Variants in LRIG3 observed in about 807,000 individuals in gnomAD.
LRIG3 encodes the protein leucine-rich repeats and immunoglobulin-like domains protein 3.
Under a neutral mutation model 114.5 loss-of-function variants are expected in LRIG3, and 76 were observed. That is an observed-to-expected ratio of 0.66 (90% CI 0.55 to 0.80). LRIG3 has a LOEUF of 0.80. Among genes scored for constraint, LRIG3 ranks in the 30% least tolerant of loss-of-function variants. LRIG3 has a pLI of 0.00. For missense variants in LRIG3, 1,239 were observed against 1,382.8 expected, an observed-to-expected ratio of 0.90 and a Z score of 1.65; for synonymous variants, 512 against 519.8, an observed-to-expected ratio of 0.98 and a Z score of 0.20.
In LRIG3 at chr12:58,878,883, C is replaced by A. The variant is rs762780686; in HGVS notation, c.2024G>T (p.Ser675Ile). 81 of 1,614,112 alleles carry A rather than the reference C, an allele frequency of 5.0e-5. No individual in the cohort carries two copies. The highest frequency in any genetic ancestry group is 6.6e-5 in the Non-Finnish European group (78 of 1,180,054). ...TCCTGCACTGTTCTGAGCTGTGCAGCTGTATACCCCAATGTCCTCTATCTT... is the reference window on the plus strand; with the variant it reads ...TCCTGCACTGTTCTGAGCTGTGCAGATGTATACCCCAATGTCCTCTATCTT... ...DVKIEDIGVY[S>I]CTAQNSAGSI... The change falls in exon 14 of 19, where the codon AGC (serine) becomes ATC (isoleucine). Residue 675 changes from serine (S) to isoleucine (I), a missense_variant. Ser to Ile is a moderately radical substitution (Grantham distance 142). Coordinates refer to ENST00000320743, the MANE Select transcript of LRIG3 (RefSeq NM_153377.5).
intron 3 of LRIG3, among the ~76,000 whole-genome samples, chr12:58,901,629 C>T (rs1050315671): frequency 2.0e-5 from 3 of 152,128 alleles, no homozygotes; most frequent in African/African-American, 7.2e-5. Flanking sequence ...TGTCTATACC[C>T]CATGTCATAC....
In LRIG3 at chr12:58,872,403, AG is replaced by A; in HGVS notation, c.*168del. ...GTATTCTTATATGAGCATCATTCCCAGTATAAAAATTTTCATAACTTTTTGT... is the reference window on the plus strand; with the variant it reads ...GTATTCTTATATGAGCATCATTCCCATATAAAAATTTTCATAACTTTTTGT... On this transcript the variant is annotated 3_prime_UTR_variant, in exon 19 of 19. Coordinates refer to ENST00000320743, the MANE Select transcript of LRIG3 (RefSeq NM_153377.5). 1.7e-6 allele frequency: 1 copy of A among 572,214 alleles called. No homozygotes were observed. The highest frequency in any genetic ancestry group is 2.7e-6 in the Non-Finnish European group (1 of 371,782). 35.4% of individuals were successfully genotyped at this position (572,214 alleles called of 1,614,324 possible). A position where few individuals can be genotyped will look rare whatever the true frequency, so the allele number is the denominator to read the frequency against.
chr12:58,885,796 TTC>T lies in LRIG3; in HGVS notation c.1244+33_1244+34del, dbSNP rs1419477159. On this transcript the variant is annotated intron_variant, in intron 10 of 18. Coordinates refer to ENST00000320743, the MANE Select transcript of LRIG3 (RefSeq NM_153377.5). ...ACATAAGTAAAAACCATCTTAGAGA[TTC>T]TCTTTTAGGGTAACTAAATTCTAGC... is the stretch of plus-strand genomic sequence containing the variant. The T allele has an allele frequency of 4.9e-6, 7 of 1,420,538 alleles. No homozygotes were observed. In the South Asian group the frequency reaches 8.2e-5, roughly 17 times the overall value. The allele number at this position is 1,420,538 out of a possible 1,614,324, so 88.0% of individuals were successfully genotyped here. A position where few individuals can be genotyped will look rare whatever the true frequency, so the allele number is the denominator to read the frequency against.
chr12:58,909,600 C>T (rs2060429070), intron 3 of LRIG3, among the ~76,000 whole-genome samples: 1 of 152,198 alleles, frequency 6.6e-6, no homozygotes, highest in Admixed American at 6.5e-5. Flanking sequence ...TCACAGCTCA[C>T]ATTCACTGAG....
intron 7 of LRIG3, 54 bp from the exon 8 acceptor site, chr12:58,887,986 G>A: frequency 6.5e-7 from 1 of 1,543,930 alleles, no homozygotes; most frequent in Non-Finnish European, 8.9e-7. Flanking sequence ...TCAACACAAT[G>A]ATTTGTTTTC....
intron 12 of LRIG3, among the ~76,000 whole-genome samples, chr12:58,882,170 C>T (rs74099549): frequency 0.035 from 5,297 of 152,230 alleles, 172 homozygotes; most frequent in East Asian, 0.091. Context: ...TAAATAAAAG[C>T]AAATTCTGAT....
At position 58,898,728 on chromosome 12, in the gene LRIG3, G is replaced by A. The variant is rs528298038; in HGVS notation, c.384-7932C>T. ...CGGTGGAGTGCAGTGGCACGATCTC[G>A]GCTCACTGCAACCTCCGACTCCCTG... On this transcript the variant is annotated intron_variant, in intron 3 of 18. Coordinates refer to ENST00000320743, the MANE Select transcript of LRIG3 (RefSeq NM_153377.5). 5.9e-5 allele frequency among the ~76,000 whole-genome samples: 9 copies of A among 152,054 alleles called. No homozygotes were observed. The East Asian group carries it at 7.7e-4, about 13-fold the overall frequency.
Position 58,900,022 on chromosome 12 carries a change from C to G in LRIG3, c.384-9226G>C, listed in dbSNP as rs540123250. On this transcript the variant is annotated intron_variant, in intron 3 of 18. Transcript: ENST00000320743. Reference sequence around the variant, plus strand: ...TCCTGATTTCAGAAGATGTTGCCCCCCCTCAATCATTACCCCTGCACAGCT... The same window carrying G: ...TCCTGATTTCAGAAGATGTTGCCCCGCCTCAATCATTACCCCTGCACAGCT... 2.0e-5 allele frequency among the ~76,000 whole-genome samples: 3 copies of G among 152,222 alleles called. No homozygotes were observed. The South Asian group carries it at 6.2e-4, about 32-fold the overall frequency.
chr12:58,880,809 T>C lies in LRIG3; in HGVS notation c.1573A>G (p.Ser525Gly). The change falls in exon 13 of 19, where the codon AGC becomes GGC. Residue 525 changes from serine to glycine, a missense_variant. By Grantham distance (56) the Ser-to-Gly change is moderately conservative (BLOSUM62 0). Coordinates refer to ENST00000320743, the MANE Select transcript of LRIG3 (RefSeq NM_153377.5). ...GCAAAAGTCATTGGGGAATCACTGC[T>C]GCTGGCAGCTGAGCAGATGAAACTC... ...NLSFICSAASSSDSPMTFAWK... is the reference protein window; with the variant it reads ...NLSFICSAASGSDSPMTFAWK... The C allele has an allele frequency of 6.2e-7, 1 of 1,614,234 alleles. No individual in the cohort carries two copies. The highest frequency in any genetic ancestry group is 8.5e-7 in the Non-Finnish European group (1 of 1,180,030).
chr12:58,890,422 T>C (rs2120916067), intron 4 of LRIG3, among the ~76,000 whole-genome samples: 2 of 152,318 alleles, frequency 1.3e-5, no homozygotes, highest in South Asian at 4.1e-4. Flanking sequence ...GATTGTTTTT[T>C]TAAAAATGAG....
chr12:58,887,851 C>T lies in LRIG3; in HGVS notation c.1029G>A (p.Gly343=), dbSNP rs373216590. Residue 343 remains glycine, a synonymous_variant, in exon 8 of 19, where the codon GGG becomes GGA. Transcript: ENST00000320743. ...CAGCAATGTAGCTGACTCTGTTGTT[C>T]CCAATGTGCAGTGTATTTAGTAAGC... ...GLSLLNTLHI[G]NNRVSYIADC... The T allele has an allele frequency of 5.6e-5, 90 of 1,613,780 alleles. 1 individual carries two copies. In the Admixed American group the frequency reaches 1.3e-3, roughly 23 times the overall value.
intron 6 of LRIG3, 70 bp from the exon 7 acceptor site, chr12:58,888,542 G>T (rs1871350196): frequency 6.4e-7 from 1 of 1,567,214 alleles, no homozygotes. Flanking sequence ...GGGGACATAT[G>T]ATTACAACCT....
At chr12:58,898,607 A>G (rs139517929) in intron 3 of LRIG3, among the ~76,000 whole-genome samples, 5,334 of 152,144 alleles carry the variant, frequency 0.035, 145 homozygotes, top group Non-Finnish European at 0.051. Context: ...GTTTGAAAAT[A>G]TCTTTACAGG....
At chr12:58,885,410 C>T (rs185491041) in intron 10 of LRIG3, among the ~76,000 whole-genome samples, 54 of 152,106 alleles carry the variant, frequency 3.6e-4, no homozygotes, top group African/African-American at 1.1e-3. Context: ...TTAGAACCTC[C>T]GCTTAACAAT....
chr12:58,874,947 G>A (rs17121641), intron 16 of LRIG3, among the ~76,000 whole-genome samples: 8,593 of 152,268 alleles, frequency 0.056, 545 homozygotes, highest in African/African-American at 0.16. Flanking sequence ...TCAAAGATAA[G>A]CTCAGCTAAA....
chr12:58,882,858 C>T lies in LRIG3; in HGVS notation c.1480+11G>A. 1 of 1,610,328 alleles carries T rather than the reference C, an allele frequency of 6.2e-7. No individual in the cohort carries two copies. Among genetic ancestry groups the T allele is most frequent in the Non-Finnish European group, 8.5e-7 (1 of 1,178,406 alleles). On this transcript the variant is annotated intron_variant, in intron 12 of 18. Coordinates refer to ENST00000320743, the MANE Select transcript of LRIG3 (RefSeq NM_153377.5). ...GAATAAATAAAAGGCAAGGGCAATA[C>T]TTATACTCACCACACACAAAGCCAT...
chr12:58,918,247 T>C lies in LRIG3; in HGVS notation c.236+1753A>G, dbSNP rs113483746. 2.5e-3 allele frequency among the ~76,000 whole-genome samples: 384 copies of C among 152,376 alleles called. 2 individuals are homozygous for C. The highest frequency in any genetic ancestry group is 8.8e-3 in the African/African-American group (365 of 41,598). ...TGCTGGTGGAAATGTAATTAAAGAC[T>C]GTGCTAACCAAATAAACTCTAATTT... On this transcript the variant is annotated intron_variant, in intron 1 of 18. Coordinates refer to ENST00000320743, the MANE Select transcript of LRIG3 (RefSeq NM_153377.5).
At chr12:58,898,910 G>C (rs538561544) in intron 3 of LRIG3, among the ~76,000 whole-genome samples, 19 of 152,180 alleles carry the variant, frequency 1.2e-4, no homozygotes, top group Non-Finnish European at 2.6e-4. Flanking sequence ...GCCTGCCTCA[G>C]CCTCCCAAAG....
chr12:58,910,310 T>C (rs1409407178), intron 3 of LRIG3, among the ~76,000 whole-genome samples: 2 of 152,190 alleles, frequency 1.3e-5, no homozygotes, highest in Non-Finnish European at 2.9e-5. Context: ...TAGTGTCTGA[T>C]AATCTAACCA....
Sources: allele counts gnomAD v4.1 joint callset (sites outside exome capture counted in the v4.1 genomes callset), GRCh38; gene constraint gnomAD v4.1.1; transcripts MANE v1.5; gene names NCBI Gene and HGNC (gene_info 2026-07-23, HGNC 2026-07-21).